KIF3A: variants seen among roughly 807,000 people sequenced by gnomAD.
The protein encoded by KIF3A is kinesin family member 3A.
KIF3A carries 27 observed loss-of-function variants against 92.6 expected under a neutral mutation model. The ratio of observed to expected loss-of-function variants is 0.29; its 90% confidence interval spans 0.21 to 0.40. The LOEUF (loss-of-function observed/expected upper bound fraction) is 0.40. Ranked by LOEUF, KIF3A falls within the 10% of genes least tolerant of loss-of-function variation. The pLI is 1.00. For missense variants in KIF3A, 581 were observed against 872.6 expected (o/e 0.67, Z 4.21); for synonymous variants, 250 against 275.4 (o/e 0.91, Z 0.92).
chr5:132,721,169 G>C (rs976981394), intron 4 of KIF3A, among the ~76,000 whole-genome samples: 2 of 152,146 alleles, frequency 1.3e-5, no homozygotes, highest in African/African-American at 4.8e-5. Flanking sequence ...AAATAGGTGA[G>C]ATATCTGGTT....
At position 132,730,016 on chromosome 5, in the gene KIF3A, G is replaced by GT. The variant is rs1315274128; in HGVS notation, c.281-3519dup. 7.9e-5 allele frequency among the ~76,000 whole-genome samples: 12 copies of GT among 152,220 alleles called. No homozygotes were observed. The East Asian group carries it at 2.1e-3, about 27-fold the overall frequency. ...ACTAATCAGGAAAAAAAGAAAAGAC[G>GT]TAAGTTACCAATATCAAAAATGAGA... is the stretch of plus-strand genomic sequence containing the variant. On this transcript the variant is annotated intron_variant, in intron 2 of 18. Transcript: ENST00000403231.
chr5:132,721,124 A>G (rs1197732811), intron 4 of KIF3A, among the ~76,000 whole-genome samples: 1 of 152,186 alleles, frequency 6.6e-6, no homozygotes, highest in Non-Finnish European at 1.5e-5. Context: ...AAACCGAAAA[A>G]GACAATGTGG....
At chr5:132,692,398 C>A (rs1752687919), downstream of KIF3A, 2 of 152,194 alleles carry the variant, frequency 1.3e-5, no homozygotes. Context: ...AACAAACCTT[C>A]ACATGTACCG....
chr5:132,697,531 C>T (rs1752878957), intron 18 of KIF3A: 1 of 151,796 alleles, frequency 6.6e-6, no homozygotes, highest in East Asian at 1.9e-4. Context: ...AAGAGAAGAT[C>T]CAGGCCAGGC....
chr5:132,715,887 G>A lies in KIF3A; in HGVS notation c.999C>T (p.Ile333=), dbSNP rs1753603472. The change falls in exon 8 of 19, where the codon ATC becomes ATT. Residue 333 remains isoleucine, a synonymous_variant. Transcript: ENST00000403231. ...GPADYNYDET[I]STLRYANRAK... is the part of the protein sequence containing the mutation. Reference sequence around the variant, plus strand: ...CACGATTGGCATACCGTAATGTACTGATAGTTTCATCATAATTGTAATCTG... The same window carrying A: ...CACGATTGGCATACCGTAATGTACTAATAGTTTCATCATAATTGTAATCTG... 2 of 1,602,064 alleles carry A rather than the reference G, an allele frequency of 1.2e-6. No homozygotes were observed. The highest frequency in any genetic ancestry group is 3.4e-5 in the Admixed American group (2 of 58,122).
chr5:132,716,836 G>A lies in KIF3A; in HGVS notation c.756+9C>T. On this transcript the variant is annotated intron_variant, in intron 6 of 18. Transcript: ENST00000403231. ...AGAGTTATTCCTTAAGCAGTGTCCT[G>A]TTACTTACAGCAAGATCTACAAGAT... 6.2e-7 allele frequency: 1 copy of A among 1,613,252 alleles called. No homozygotes were observed. The highest frequency in any genetic ancestry group is 1.3e-5 in the African/African-American group (1 of 74,980).
In KIF3A at chr5:132,737,509, G is replaced by A. The variant is rs1338422783; in HGVS notation, c.-90C>T. 23 of 1,466,058 alleles carry A rather than the reference G, an allele frequency of 1.6e-5. No individual in the cohort carries two copies. Among genetic ancestry groups the A allele is most frequent in the Admixed American group, 1.2e-4 (6 of 51,416 alleles). 90.8% of individuals were successfully genotyped at this position (1,466,058 alleles called of 1,614,324 possible). A position where few individuals can be genotyped will look rare whatever the true frequency, so the allele number is the denominator to read the frequency against. On this transcript the variant is annotated 5_prime_UTR_variant, in exon 1 of 19. Coordinates refer to ENST00000403231, the MANE Select transcript of KIF3A (RefSeq NM_001300791.2). ...GCAGAAAGGATGGCCAGAGACTACC[G>A]AAACACCTCGTTGACGCTCTCGAGA...
intron 4 of KIF3A, chr5:132,723,856 A>C (rs1170633526): frequency 6.6e-6 from 1 of 152,234 alleles, no homozygotes; most frequent in East Asian, 1.9e-4. Context: ...ATCAGAGTGA[A>C]CAGGCAACCT....
chr5:132,699,142 G>A (rs754094908), intron 18 of KIF3A, 29 bp downstream of exon 18: 13 of 1,608,874 alleles, frequency 8.1e-6, no homozygotes, highest in Admixed American at 1.7e-5. Context: ...CAATGCCTTC[G>A]TTTTACCAGA....
At chr5:132,699,530 T>C (rs780108492) in intron 17 of KIF3A, 5 of 575,826 alleles carry the variant, frequency 8.7e-6, no homozygotes, top group Non-Finnish European at 1.6e-5. Flanking sequence ...ACTGTTGCTG[T>C]TTTTCTTAAA....
chr5:132,708,588 G>A (rs1753306633), intron 10 of KIF3A, among the ~76,000 whole-genome samples: 1 of 152,184 alleles, frequency 6.6e-6, no homozygotes, highest in Admixed American at 6.5e-5. Flanking sequence ...GATTAGAAAT[G>A]TGTCATGAAA....
chr5:132,701,247 C>T (rs1293604961), intron 15 of KIF3A, among the ~76,000 whole-genome samples: 2 of 151,968 alleles, frequency 1.3e-5, no homozygotes, highest in Admixed American at 6.6e-5. Flanking sequence ...CCTGTAATCC[C>T]ATCATTTTGG....
At chr5:132,728,609 T>C (rs2406411) in intron 2 of KIF3A, among the ~76,000 whole-genome samples, 51,852 of 151,726 alleles carry the variant, frequency 0.34, 12,512 homozygotes, top group East Asian at 0.75. Context: ...TGGTGGCACA[T>C]GCCTGTAGTC....
At chr5:132,719,730 C>T (rs1753763419) in intron 5 of KIF3A, among the ~76,000 whole-genome samples, 1 of 151,934 alleles carries the variant, frequency 6.6e-6, no homozygotes, top group African/African-American at 2.4e-5. Flanking sequence ...GATCCACCCA[C>T]CTCAGCCTCC....
At chr5:132,722,554 T>C (rs747304298) in intron 4 of KIF3A, among the ~76,000 whole-genome samples, 3 of 152,192 alleles carry the variant, frequency 2.0e-5, no homozygotes, top group Admixed American at 6.5e-5. Context: ...CCACAGAATT[T>C]TGAATGTCCT....
chr5:132,702,379 T>C (rs1411690897), intron 14 of KIF3A, among the ~76,000 whole-genome samples, 167 bp from the exon 15 acceptor site: 1 of 152,218 alleles, frequency 6.6e-6, no homozygotes, highest in Non-Finnish European at 1.5e-5. Context: ...ACACTATTTG[T>C]TAAGGTTGAA....
intron 8 of KIF3A, among the ~76,000 whole-genome samples, chr5:132,715,182 T>C (rs1753576414): frequency 6.6e-6 from 1 of 152,232 alleles, no homozygotes; most frequent in Admixed American, 6.5e-5. Context: ...CAGCACTTAA[T>C]GACTGGGAAG....
intron 10 of KIF3A, among the ~76,000 whole-genome samples, chr5:132,706,677 C>T (rs918932952): frequency 7.2e-5 from 11 of 152,032 alleles, no homozygotes; most frequent in African/African-American, 2.4e-4. Flanking sequence ...GTCATTTAAG[C>T]AAGAATATTA....
intron 8 of KIF3A, among the ~76,000 whole-genome samples, chr5:132,711,528 G>T (rs1218237566): frequency 7.2e-5 from 11 of 152,028 alleles, no homozygotes; most frequent in Non-Finnish European, 5.9e-5. Flanking sequence ...GGAGGCAGAG[G>T]TTGCAGTGAG....
Sources: allele counts gnomAD v4.1 joint callset (sites outside exome capture counted in the v4.1 genomes callset), GRCh38; gene constraint gnomAD v4.1.1; transcripts MANE v1.5; gene names NCBI Gene and HGNC (gene_info 2026-07-23, HGNC 2026-07-21).